CEP135: variants seen among roughly 807,000 people sequenced by gnomAD.
CEP135 encodes centrosomal protein 135.
Under a neutral mutation model 157.3 loss-of-function variants are expected in CEP135, and 142 were observed. That is an observed-to-expected ratio of 0.90 (90% CI 0.79 to 1.04). The LOEUF (loss-of-function observed/expected upper bound fraction) is 1.04. Among genes scored for constraint, CEP135 ranks in the 50% least tolerant of loss-of-function variants. The probability of loss-of-function intolerance (pLI) is 0.00; values close to 1 mark genes in which losing one functional copy is unlikely to be tolerated. For synonymous variants in CEP135, 396 were observed against 439.8 expected, an observed-to-expected ratio of 0.90 and a Z score of 1.25; for missense variants, 1,317 against 1,309.2, an observed-to-expected ratio of 1.01 and a Z score of -0.09.
intron 15 of CEP135, among the ~76,000 whole-genome samples, chr4:55,995,030 C>G (rs1207632725): frequency 6.6e-6 from 1 of 152,162 alleles, no homozygotes; most frequent in East Asian, 1.9e-4. Flanking sequence ...TGTCTAGTTT[C>G]TTTGTCTGTT....
Position 56,011,909 on chromosome 4 carries a change from T to C in CEP135, c.2726T>C (p.Leu909Pro). ...GAGGGAGAAAGCAGCTCAGTTCGAC[T>C]GGAACTTCTTTCTATTGACACTGAG... ...QAEGESSSVR[L>P]ELLSIDTERR... The change falls in exon 21 of 26, where the codon CTG (leucine) becomes CCG (proline). Residue 909 changes from leucine to proline, a missense_variant. Coordinates refer to ENST00000257287, the MANE Select transcript of CEP135 (RefSeq NM_025009.5). 1 of 1,604,758 alleles carries C rather than the reference T, an allele frequency of 6.2e-7. No homozygotes were observed. Among genetic ancestry groups the C allele is most frequent in the South Asian group, 1.1e-5 (1 of 89,720 alleles).
At chr4:56,011,249 G>A (rs1364447622) in intron 19 of CEP135, among the ~76,000 whole-genome samples, 163 bp from the exon 20 acceptor site, 2 of 151,996 alleles carry the variant, frequency 1.3e-5, no homozygotes, top group Non-Finnish European at 2.9e-5. Flanking sequence ...ATTTTAAAAG[G>A]CAAGATCAGC....
chr4:55,992,735 C>G (rs1334452774), intron 15 of CEP135, among the ~76,000 whole-genome samples: 1 of 152,040 alleles, frequency 6.6e-6, no homozygotes, highest in Non-Finnish European at 1.5e-5. Flanking sequence ...TATATAAAAT[C>G]AAAAGGTTTA....
Position 55,974,784 on chromosome 4 carries a change from G to T in CEP135, c.1288G>T (p.Glu430Ter). 1 of 1,613,736 alleles carries T rather than the reference G, an allele frequency of 6.2e-7. No individual in the cohort carries two copies. The highest frequency in any genetic ancestry group is 1.1e-5 in the South Asian group (1 of 91,030). ...TCTGGAGGTTGAGAGGATGAGACTAGAACATGGAATAAAACGTCGAGACAG... is the reference window on the plus strand; with the variant it reads ...TCTGGAGGTTGAGAGGATGAGACTATAACATGGAATAAAACGTCGAGACAG... The part of the protein sequence containing the change: ...LTLEVERMRL[E>*]HGIKRRDRSP... Residue 430 changes from glutamate to a stop codon, truncating the protein, a stop_gained, in exon 11 of 26, where the codon GAA (glutamate) becomes TAA (stop). Coordinates refer to ENST00000257287, the MANE Select transcript of CEP135 (RefSeq NM_025009.5). LOFTEE classifies it high-confidence loss of function.
In CEP135 at chr4:55,974,880, G is replaced by A. The variant is rs761050563; in HGVS notation, c.1384G>A (p.Glu462Lys). ...ACGAGATTATTATAAGAAAGAGCTA[G>A]AGAGACTCCAACATATAATACAGCG... ...EERDYYKKEL[E>K]RLQHIIQRRS... The change falls in exon 11 of 26, where the codon GAG becomes AAG. Residue 462 changes from glutamate to lysine, a missense_variant. Physicochemically the swap from Glu to Lys is moderately conservative, Grantham distance 56 (BLOSUM62 1). Coordinates refer to ENST00000257287, the MANE Select transcript of CEP135 (RefSeq NM_025009.5). 1 of 1,613,794 alleles carries A rather than the reference G, an allele frequency of 6.2e-7. No individual in the cohort carries two copies. Among genetic ancestry groups the A allele is most frequent in the South Asian group, 1.1e-5 (1 of 91,040 alleles).
chr4:55,954,355 G>T lies in CEP135; in HGVS notation c.444G>T (p.Lys148Asn), dbSNP rs1359395367. The T allele has an allele frequency of 5.6e-6, 9 of 1,605,604 alleles. No homozygotes were observed. The highest frequency in any genetic ancestry group is 6.8e-6 in the Non-Finnish European group (8 of 1,177,532). The change falls in exon 4 of 26, where the codon AAG (lysine) becomes AAT (asparagine). Residue 148 changes from lysine to asparagine, a missense_variant. Lys to Asn is a moderately conservative substitution (Grantham distance 94). Transcript: ENST00000257287. The part of the protein sequence containing the change: ...KNERIQQLQE[K>N]NLHAVVQTPG... ...AAAGAATTCAACAACTTCAAGAAAA[G>T]AATTTGCATGCTGTAGTACAAACTC...
At chr4:55,968,421 A>G (rs889339551) in intron 8 of CEP135, among the ~76,000 whole-genome samples, 3 of 149,866 alleles carry the variant, frequency 2.0e-5, no homozygotes, top group Non-Finnish European at 3.0e-5. Context: ...TAAAATGCAT[A>G]TGGAATCTCC....
intron 13 of CEP135, among the ~76,000 whole-genome samples, chr4:55,983,799 C>G (rs973446707): frequency 2.6e-5 from 4 of 152,166 alleles, no homozygotes; most frequent in African/African-American, 9.7e-5. Context: ...GAATTATAGG[C>G]ATGAGCCACC....
chr4:55,971,284 C>A lies in CEP135; in HGVS notation c.1125C>A (p.Cys375Ter). 1.9e-6 allele frequency: 3 copies of A among 1,578,054 alleles called. No individual in the cohort carries two copies. Among genetic ancestry groups the A allele is most frequent in the Admixed American group, 2.0e-5 (1 of 51,002 alleles). ...MAKLQLELNLCQKEKERLSDE... is the reference protein window; with the variant it reads ...MAKLQLELNL ...AAAATTTGCAGGAATTGAACTTATG[C>A]CAGAAAGAAAAGGAGAGACTGAGTG... Residue 375 changes from cysteine to a stop codon, truncating the protein, a stop_gained, in exon 10 of 26, where the codon TGC (cysteine) becomes TGA (stop). Transcript: ENST00000257287. LOFTEE classifies it high-confidence loss of function.
chr4:55,954,217 G>T lies in CEP135; in HGVS notation c.306G>T (p.Glu102Asp). The T allele has an allele frequency of 6.4e-7, 1 of 1,568,540 alleles. No individual in the cohort carries two copies. Among genetic ancestry groups the T allele is most frequent in the South Asian group, 1.2e-5 (1 of 82,322 alleles). Reference sequence around the variant, plus strand: ...TCTTTGAATCTTTTTCATTTTAAGAGTTGAAAACTTCATTGAAGAAATGTG... The same window carrying T: ...TCTTTGAATCTTTTTCATTTTAAGATTTGAAAACTTCATTGAAGAAATGTG... ...LREHSDQHVK[E>D]LKTSLKKCAR... Residue 102 changes from glutamate to aspartate, a missense_variant and splice_region_variant, in exon 4 of 26, where the codon GAG (glutamate) becomes GAT (aspartate). Transcript: ENST00000257287.
intron 17 of CEP135, among the ~76,000 whole-genome samples, chr4:56,006,818 G>A (rs1275647187): frequency 6.6e-6 from 1 of 152,078 alleles, no homozygotes; most frequent in Non-Finnish European, 1.5e-5. Flanking sequence ...GTTGTTTCTT[G>A]CAGATGTATG....
intron 13 of CEP135, among the ~76,000 whole-genome samples, chr4:55,984,367 T>TG (rs1286759473): frequency 5.3e-5 from 8 of 152,344 alleles, no homozygotes; most frequent in Admixed American, 3.9e-4. Flanking sequence ...TGTCTTTTGA[T>TG]GGGAAATGAA....
Position 55,994,907 on chromosome 4 carries a change from A to G in CEP135, c.2009+2822A>G, listed in dbSNP as rs10004239. Among the ~76,000 whole-genome samples the G allele has an allele frequency of 6.5e-3, 988 of 152,150 alleles. 12 individuals carry two copies. The highest frequency in any genetic ancestry group is 0.023 in the African/African-American group (949 of 41,506). ...CACCATGTTGGCCAGGCTGGTCTCA[A>G]ACACCTGACCTCATGTGATCCATCC... On this transcript the variant is annotated intron_variant, in intron 15 of 25. Transcript: ENST00000257287.
Position 55,985,145 on chromosome 4 carries a change from TTC to T in CEP135, c.1780-134_1780-133del. On this transcript the variant is annotated intron_variant, in intron 13 of 25. Coordinates refer to ENST00000257287, the MANE Select transcript of CEP135 (RefSeq NM_025009.5). Reference sequence around the variant, plus strand: ...CATTTTTGTAAAATGTCTAATGATTTTCTTTCTAAAACATTTCTGTGTTTTAT... The same window carrying T: ...CATTTTTGTAAAATGTCTAATGATTTTTTCTAAAACATTTCTGTGTTTTAT... 6.3e-6 allele frequency: 3 copies of T among 476,882 alleles called. No homozygotes were observed. The East Asian group carries it at 9.2e-5, about 15-fold the overall frequency. The allele number at this position is 476,882 out of a possible 1,614,324, so 29.5% of individuals were successfully genotyped here.
chr4:55,998,794 G>C (rs146379713), intron 15 of CEP135, among the ~76,000 whole-genome samples: 3,664 of 152,270 alleles, frequency 0.024, 66 homozygotes, highest in Admixed American at 0.059. Flanking sequence ...GAGCCCAGGA[G>C]GCGGAGGTTG....
intron 13 of CEP135, among the ~76,000 whole-genome samples, chr4:55,984,976 T>A (rs571266292): frequency 1.3e-5 from 2 of 152,218 alleles, no homozygotes; most frequent in African/African-American, 4.8e-5. Flanking sequence ...GTTTTGTCCT[T>A]TTATAGTTGT....
Position 55,981,342 on chromosome 4 carries a change from T to C in CEP135, c.1742T>C (p.Ile581Thr), listed in dbSNP as rs906651375. 1.9e-6 allele frequency: 3 copies of C among 1,587,068 alleles called. No individual in the cohort carries two copies. Among genetic ancestry groups the C allele is most frequent in the Admixed American group, 1.9e-5 (1 of 52,530 alleles). Residue 581 changes from isoleucine (I) to threonine (T), a missense_variant, in exon 13 of 26, where the codon ATT becomes ACT. Physicochemically the swap from Ile to Thr is moderately conservative, Grantham distance 89 (BLOSUM62 -1). Coordinates refer to ENST00000257287, the MANE Select transcript of CEP135 (RefSeq NM_025009.5). ...KELALSDLRR[I>T]MAEKEALREK... is the part of the protein sequence containing the mutation. ...CTTGCGTTATCTGACTTAAGAAGAA[T>C]TATGGCAGAAAAGGAAGCTTTAAGA... is the stretch of plus-strand genomic sequence containing the variant.
intron 4 of CEP135, among the ~76,000 whole-genome samples, chr4:55,956,446 C>G (rs1379429231): frequency 1.3e-5 from 2 of 152,164 alleles, no homozygotes; most frequent in African/African-American, 4.8e-5. Context: ...TATAGCATGA[C>G]TTTATATTAT....
At chr4:56,010,011 CA>C in intron 19 of CEP135, 108 bp downstream of exon 19, 1 of 1,151,358 alleles carries the variant, frequency 8.7e-7, no homozygotes, top group South Asian at 1.4e-5. Context: ...AAATAAGTGA[CA>C]TAAATAATTC....
Sources: gnomAD v4.1 joint callset for allele counts (sites outside exome capture counted in the v4.1 genomes callset) on GRCh38, gnomAD v4.1.1 for gene constraint, MANE v1.5 for transcripts, NCBI Gene and HGNC (gene_info 2026-07-23, HGNC 2026-07-21) for gene names.